CNTNAP5: variants seen among roughly 807,000 people sequenced by gnomAD.
CNTNAP5 encodes the protein contactin associated protein family member 5, also known as contactin-associated protein-like 5.
CNTNAP5 carries 72 observed loss-of-function variants against 150.2 expected under a neutral mutation model. The observed-to-expected ratio is 0.48, with a 90% CI of 0.40 to 0.58. The LOEUF (loss-of-function observed/expected upper bound fraction) is 0.58, where lower values mean the gene tolerates loss of function less well. Ranked by LOEUF, CNTNAP5 falls within the 20% of genes least tolerant of loss-of-function variation. CNTNAP5 has a pLI of 0.00. For synonymous variants in CNTNAP5, 672 were observed against 619.8 expected, an observed-to-expected ratio of 1.08 and a Z score of -1.25; for missense variants, 1,636 against 1,626.2, an observed-to-expected ratio of 1.01 and a Z score of -0.10.
At chr2:124,857,424 G>A (rs1169794164) in intron 19 of CNTNAP5, among the ~76,000 whole-genome samples, 1 of 152,036 alleles carries the variant, frequency 6.6e-6, no homozygotes, top group African/African-American at 2.4e-5. Flanking sequence ...CTCAGATGCA[G>A]GTGAGAAGGA....
intron 3 of CNTNAP5, among the ~76,000 whole-genome samples, chr2:124,393,570 A>G (rs1691172266): frequency 6.6e-6 from 1 of 152,244 alleles, no homozygotes; most frequent in South Asian, 2.1e-4. Context: ...CCCTAATGCC[A>G]GGCAACCCTG....
At chr2:124,066,675 C>T (rs1682168075) in intron 1 of CNTNAP5, among the ~76,000 whole-genome samples, 1 of 151,838 alleles carries the variant, frequency 6.6e-6, no homozygotes, top group Non-Finnish European at 1.5e-5. Context: ...AATAGTTTAT[C>T]TTATTATTTA....
intron 21 of CNTNAP5, among the ~76,000 whole-genome samples, chr2:124,895,616 C>A (rs943888791): frequency 6.6e-6 from 1 of 151,322 alleles, no homozygotes; most frequent in Non-Finnish European, 1.5e-5. Flanking sequence ...CAGAGCAAGA[C>A]CCTGTCTCAA....
intron 19 of CNTNAP5, among the ~76,000 whole-genome samples, chr2:124,834,104 T>C (rs961759021): frequency 3.3e-5 from 5 of 152,186 alleles, no homozygotes; most frequent in Non-Finnish European, 5.9e-5. Flanking sequence ...TGATAGTTAC[T>C]ATTAGTATTA....
chr2:124,457,333 C>T (rs926374494), intron 6 of CNTNAP5, among the ~76,000 whole-genome samples: 1 of 152,114 alleles, frequency 6.6e-6, no homozygotes, highest in African/African-American at 2.4e-5. Flanking sequence ...TTTTGCACAG[C>T]AAAAGGAACA....
intron 21 of CNTNAP5, among the ~76,000 whole-genome samples, chr2:124,896,321 T>C (rs1678303409): frequency 6.6e-6 from 1 of 151,436 alleles, no homozygotes. Context: ...ATGCCATTAT[T>C]GTTGATATTA....
rs114136044 is a variant in CNTNAP5, at chr2:124,276,092, A to G, written c.381+33699A>G. The stretch of plus-strand genomic sequence containing the variant: ...CTAGCATCCTTATTCAGCAAACTTC[A>G]CACTGAAACACTCTGTACTCCTGGG... On this transcript the variant is annotated intron_variant, in intron 3 of 23. Transcript: ENST00000682447. Among the ~76,000 whole-genome samples, 600 of 152,298 alleles carry G rather than the reference A, an allele frequency of 3.9e-3. 2 individuals carry two copies. Among genetic ancestry groups the G allele is most frequent in the African/African-American group, 0.014 (572 of 41,564 alleles).
intron 1 of CNTNAP5, among the ~76,000 whole-genome samples, chr2:124,163,037 T>G (rs1238501091): frequency 6.6e-6 from 1 of 152,104 alleles, no homozygotes; most frequent in Non-Finnish European, 1.5e-5. Flanking sequence ...AAATATTATG[T>G]AACTGGTACA....
chr2:124,885,548 A>ACCACACAC (rs1678062094), intron 21 of CNTNAP5, among the ~76,000 whole-genome samples: 1 of 108,882 alleles, frequency 9.2e-6, no homozygotes, highest in South Asian at 3.1e-4. Flanking sequence ...AAACATTTTC[A>ACCACACAC]TCACACACAC....
intron 11 of CNTNAP5, among the ~76,000 whole-genome samples, chr2:124,572,787 T>A (rs2104941172): frequency 6.6e-6 from 1 of 152,274 alleles, no homozygotes; most frequent in Middle Eastern, 3.4e-3. Flanking sequence ...GATTTGCACA[T>A]CTCTTGGCCA....
intron 1 of CNTNAP5, among the ~76,000 whole-genome samples, chr2:124,033,249 G>A (rs1681113487): frequency 6.6e-6 from 1 of 152,074 alleles, no homozygotes; most frequent in Admixed American, 6.6e-5. Flanking sequence ...GAAAGTGAAG[G>A]GAAATGCCAA....
chr2:124,627,717 T>A (rs941287405), intron 12 of CNTNAP5, among the ~76,000 whole-genome samples: 2 of 152,126 alleles, frequency 1.3e-5, no homozygotes, highest in African/African-American at 4.8e-5. Flanking sequence ...GAAGCTGAGA[T>A]GGATGAACTG....
chr2:124,315,731 A>T (rs963823619), intron 3 of CNTNAP5, among the ~76,000 whole-genome samples: 1 of 152,166 alleles, frequency 6.6e-6, no homozygotes, highest in Non-Finnish European at 1.5e-5. Context: ...TTGGCTCCGC[A>T]TGAAAGTACA....
At chr2:124,771,168 T>A (rs1322128698) in intron 16 of CNTNAP5, among the ~76,000 whole-genome samples, 2 of 152,160 alleles carry the variant, frequency 1.3e-5, no homozygotes, top group African/African-American at 4.8e-5. Flanking sequence ...CTTTTGGCAT[T>A]TCCGATAATT....
Position 124,869,763 on chromosome 2 carries a change from G to T in CNTNAP5, c.3436+1G>T. 1 of 1,583,464 alleles carries T rather than the reference G, an allele frequency of 6.3e-7. No individual in the cohort carries two copies. The highest frequency in any genetic ancestry group is 8.7e-7 in the Non-Finnish European group (1 of 1,152,830). On this transcript the variant is annotated splice_donor_variant, in intron 21 of 23. Coordinates refer to ENST00000682447, the MANE Select transcript of CNTNAP5 (RefSeq NM_001367498.1). LOFTEE classifies it high-confidence loss of function. Reference sequence around the variant, plus strand: ...TCACTCACCTTGGGCAAAGTCACAGGTATGTTGTTCTAGTTCATACCTTTC... The same window carrying T: ...TCACTCACCTTGGGCAAAGTCACAGTTATGTTGTTCTAGTTCATACCTTTC...
Position 124,919,302 on chromosome 2 carries a change from G to A in CNTNAP5, c.*5014G>A, listed in dbSNP as rs1678828493. On this transcript the variant is annotated 3_prime_UTR_variant, in exon 24 of 24. Coordinates refer to ENST00000682447, the MANE Select transcript of CNTNAP5 (RefSeq NM_001367498.1). The stretch of plus-strand genomic sequence containing the variant: ...TAATTAACCGGTTTGCTATTTTTCA[G>A]TGATTATTTTATCTTATTTTGCACT... 6.6e-6 allele frequency among the ~76,000 whole-genome samples: 1 copy of A among 152,032 alleles called. No individual in the cohort carries two copies. The highest frequency in any genetic ancestry group is 2.1e-4 in the South Asian group (1 of 4,832).
In CNTNAP5 at chr2:124,261,940, A is replaced by C. The variant is rs562300663; in HGVS notation, c.381+19547A>C. Reference sequence around the variant, plus strand: ...ATTTATATGATGATTGTAGCTACTTATTAGTTATTTATAACCCACCACAGC... The same window carrying C: ...ATTTATATGATGATTGTAGCTACTTCTTAGTTATTTATAACCCACCACAGC... On this transcript the variant is annotated intron_variant, in intron 3 of 23. Coordinates refer to ENST00000682447, the MANE Select transcript of CNTNAP5 (RefSeq NM_001367498.1). 4.6e-5 allele frequency among the ~76,000 whole-genome samples: 7 copies of C among 152,282 alleles called. No homozygotes were observed. In the South Asian group the frequency reaches 1.5e-3, roughly 32 times the overall value.
At chr2:124,704,112 CT>C (rs1271166059) in intron 13 of CNTNAP5, among the ~76,000 whole-genome samples, 1 of 152,118 alleles carries the variant, frequency 6.6e-6, no homozygotes, top group African/African-American at 2.4e-5. Context: ...CATTAAATTG[CT>C]TTAGTTCTGT....
chr2:124,297,808 TA>T lies in CNTNAP5; in HGVS notation c.381+55416del, dbSNP rs1688473446. Among the ~76,000 whole-genome samples, 4 of 93,202 alleles carry T rather than the reference TA, an allele frequency of 4.3e-5. 1 individual carries two copies. The highest frequency in any genetic ancestry group is 6.3e-4 in the South Asian group (2 of 3,178). The allele number at this position is 93,202 out of a possible 152,430, so 61.1% of individuals were successfully genotyped here. A position where few individuals can be genotyped will look rare whatever the true frequency, so the allele number is the denominator to read the frequency against. On this transcript the variant is annotated intron_variant, in intron 3 of 23. Transcript: ENST00000682447. ...CTAAGCCAGGCAATCCACATCCAAT[TA>T]TTTATTATTATTATTATTATTATTA...
Sources: gnomAD v4.1 joint callset for allele counts (sites outside exome capture counted in the v4.1 genomes callset) on GRCh38, gnomAD v4.1.1 for gene constraint, MANE v1.5 for transcripts, NCBI Gene and HGNC (gene_info 2026-07-23, HGNC 2026-07-21) for gene names.